NLGN1: variants seen among roughly 807,000 people sequenced by gnomAD.
NLGN1 encodes the protein neuroligin 1.
NLGN1 carries 12 observed loss-of-function variants against 65.5 expected under a neutral mutation model. That is an observed-to-expected ratio of 0.18 (90% CI 0.12 to 0.30). NLGN1 has a LOEUF of 0.30. Among genes scored for constraint, NLGN1 ranks in the 10% least tolerant of loss-of-function variants. The pLI is 1.00. For synonymous variants in NLGN1, 350 were observed against 359.5 expected, an observed-to-expected ratio of 0.97 and a Z score of 0.30; for missense variants, 750 against 1,007.1, an observed-to-expected ratio of 0.74 and a Z score of 3.46.
At chr3:174,124,559 G>T (rs533529060) in intron 4 of NLGN1, among the ~76,000 whole-genome samples, 12 of 142,278 alleles carry the variant, frequency 8.4e-5, no homozygotes, top group African/African-American at 3.2e-4. Context: ...ATATATATAC[G>T]TATATATACG....
chr3:174,206,275 C>T (rs1225825047), intron 4 of NLGN1, among the ~76,000 whole-genome samples: 1 of 152,124 alleles, frequency 6.6e-6, no homozygotes, highest in African/African-American at 2.4e-5. Flanking sequence ...ACTTGGTCTC[C>T]TCTGCATGCA....
At chr3:173,838,628 A>C (rs532404459) in intron 4 of NLGN1, among the ~76,000 whole-genome samples, 1 of 152,176 alleles carries the variant, frequency 6.6e-6, no homozygotes, top group East Asian at 1.9e-4. Context: ...CAAAAGAGAG[A>C]CTTTAAAAAA....
intron 4 of NLGN1, among the ~76,000 whole-genome samples, chr3:174,265,904 GTGTATATATGTATATA>G (rs199641451): frequency 6.9e-6 from 1 of 145,318 alleles, no homozygotes. Context: ...ATGTATATAT[GTGTATATATGTATATA>G]TGTATATATG....
At chr3:174,231,445 T>C (rs1680958309) in intron 4 of NLGN1, among the ~76,000 whole-genome samples, 1 of 152,208 alleles carries the variant, frequency 6.6e-6, no homozygotes, top group Non-Finnish European at 1.5e-5. Flanking sequence ...GAGTGGTTAA[T>C]GTACGGTCGC....
At chr3:173,708,164 A>G (rs915209995) in intron 3 of NLGN1, among the ~76,000 whole-genome samples, 3 of 152,212 alleles carry the variant, frequency 2.0e-5, no homozygotes, top group African/African-American at 7.2e-5. Flanking sequence ...GCATGGGCCA[A>G]TATAAAAATT....
chr3:174,197,378 G>A lies in NLGN1; in HGVS notation c.647-77937G>A, dbSNP rs990371145. Among the ~76,000 whole-genome samples, 3 of 152,002 alleles carry A rather than the reference G, an allele frequency of 2.0e-5. No individual in the cohort carries two copies. In the South Asian group the frequency reaches 6.2e-4, roughly 32 times the overall value. ...TGGTGGAAGAGGAAAAATAACTATA[G>A]GTATAGTTTATATCAGATACAGAGT... On this transcript the variant is annotated intron_variant, in intron 4 of 6. Coordinates refer to ENST00000457714, the Ensembl canonical transcript of NLGN1.
intron 3 of NLGN1, among the ~76,000 whole-genome samples, chr3:173,696,771 G>A (rs1051411779): frequency 1.3e-5 from 2 of 152,124 alleles, no homozygotes; most frequent in African/African-American, 2.4e-5. Context: ...ACATAAAAAT[G>A]TTGCCCTACA....
chr3:173,972,376 G>T (rs902236193), intron 4 of NLGN1, among the ~76,000 whole-genome samples: 12 of 152,132 alleles, frequency 7.9e-5, no homozygotes, highest in Admixed American at 6.6e-5. Flanking sequence ...TCATGAGACT[G>T]CTTAGAGCTC....
At chr3:173,475,213 C>T (rs899341632) in intron 2 of NLGN1, among the ~76,000 whole-genome samples, 1 of 152,022 alleles carries the variant, frequency 6.6e-6, no homozygotes, top group African/African-American at 2.4e-5. Flanking sequence ...TCTAAACTAA[C>T]GTTATTTCAA....
chr3:173,803,515 T>C (rs1329773738), intron 3 of NLGN1, among the ~76,000 whole-genome samples: 1 of 151,966 alleles, frequency 6.6e-6, no homozygotes, highest in Non-Finnish European at 1.5e-5. Context: ...GGCTGAGGCA[T>C]GAGAATTGCT....
chr3:173,893,977 G>T (rs1735859479), intron 4 of NLGN1, among the ~76,000 whole-genome samples: 1 of 152,006 alleles, frequency 6.6e-6, no homozygotes, highest in Non-Finnish European at 1.5e-5. Flanking sequence ...AATTCTAACT[G>T]AAATGTCCTG....
intron 3 of NLGN1, among the ~76,000 whole-genome samples, chr3:173,751,582 A>G (rs753857639): frequency 3.9e-5 from 6 of 152,088 alleles, no homozygotes; most frequent in Non-Finnish European, 7.4e-5. Context: ...TTGTTATGCT[A>G]ATAATCAGAC....
intron 4 of NLGN1, among the ~76,000 whole-genome samples, chr3:174,133,361 C>A (rs1480028998): frequency 6.6e-6 from 1 of 152,186 alleles, no homozygotes; most frequent in East Asian, 1.9e-4. Context: ...CTCCAATCAT[C>A]TTTCAGAAAA....
intron 4 of NLGN1, among the ~76,000 whole-genome samples, chr3:173,942,144 G>GTGTGTGTA: frequency 7.5e-6 from 1 of 133,440 alleles, no homozygotes; most frequent in African/African-American, 2.6e-5. Flanking sequence ...GTGTGTGTAT[G>GTGTGTGTA]TGTGTGTGTG....
At chr3:173,956,936 C>T (rs575582668) in intron 4 of NLGN1, among the ~76,000 whole-genome samples, 1 of 152,166 alleles carries the variant, frequency 6.6e-6, no homozygotes, top group Admixed American at 6.5e-5. Context: ...CTTCAGAGAA[C>T]TCACAGTTTC....
chr3:173,537,788 A>G (rs537669913), intron 2 of NLGN1, among the ~76,000 whole-genome samples: 4 of 152,130 alleles, frequency 2.6e-5, no homozygotes. Context: ...TGCACAGGAC[A>G]TAGTGATATC....
intron 4 of NLGN1, among the ~76,000 whole-genome samples, chr3:173,969,450 AAC>A (rs1715676134): frequency 6.6e-6 from 1 of 152,164 alleles, no homozygotes; most frequent in African/African-American, 2.4e-5. Flanking sequence ...CCCATTCATA[AAC>A]ACTAAAAATT....
At chr3:173,602,590 T>C (rs1750722738) in intron 2 of NLGN1, among the ~76,000 whole-genome samples, 1 of 152,058 alleles carries the variant, frequency 6.6e-6, no homozygotes, top group Non-Finnish European at 1.5e-5. Flanking sequence ...AGTGTTATTT[T>C]GTTAATAACA....
At chr3:174,287,030 G>T (rs1313733484), downstream of NLGN1, among the ~76,000 whole-genome samples, 3 of 151,260 alleles carry the variant, frequency 2.0e-5, no homozygotes, top group Admixed American at 6.6e-5. Context: ...TTAAAAAGAA[G>T]GGCAAAGGAA....
Sources: allele counts gnomAD v4.1 joint callset (sites outside exome capture counted in the v4.1 genomes callset), GRCh38; gene constraint gnomAD v4.1.1; transcripts MANE v1.5; gene names NCBI Gene and HGNC (gene_info 2026-07-23, HGNC 2026-07-21).